Variants in CCNT2 observed in about 807,000 individuals in gnomAD.
CCNT2 encodes cyclin T2, also known as cyclin-T2.
CCNT2 carries 18 observed loss-of-function variants against 70.0 expected under a neutral mutation model. The ratio of observed to expected loss-of-function variants is 0.26; its 90% CI spans 0.18 to 0.38. The LOEUF (loss-of-function observed/expected upper bound fraction) is 0.38. Among genes scored for constraint, CCNT2 ranks in the 10% least tolerant of loss-of-function variants. CCNT2 has a pLI of 1.00. For synonymous variants in CCNT2, 334 were observed against 313.3 expected (o/e 1.07, Z -0.70); for missense variants, 734 against 890.2 (o/e 0.82, Z 2.23).
rs1182873885 is a variant in CCNT2, at chr2:134,931,389, T to C, written c.241-5452T>C. On this transcript the variant is annotated intron_variant, in intron 2 of 8. Coordinates refer to ENST00000264157, the MANE Select transcript of CCNT2 (RefSeq NM_058241.3). ...TTAGTGAAAATCAATGGATCATAAA[T>C]GTAAGCATTTATTTCTGGACTCTGG... 1.1e-4 allele frequency among the ~76,000 whole-genome samples: 16 copies of C among 150,868 alleles called. No individual in the cohort carries two copies. The Admixed American group carries it at 1.1e-3, about 10-fold the overall frequency.
At position 134,954,083 on chromosome 2, in the gene CCNT2, G is replaced by A. The variant is rs748520220; in HGVS notation, c.1628G>A (p.Gly543Glu). The change falls in exon 9 of 9, where the codon GGG (glycine) becomes GAG (glutamate). Residue 543 changes from glycine (G) to glutamate (E), a missense_variant. Coordinates refer to ENST00000264157, the MANE Select transcript of CCNT2 (RefSeq NM_058241.3). ...CACAGCTCTTCTGATGAAGGCAGTGGGAAGAGCAAACATTCAAGCCCACAT... is the reference window on the plus strand; with the variant it reads ...CACAGCTCTTCTGATGAAGGCAGTGAGAAGAGCAAACATTCAAGCCCACAT... ...ERHSSSDEGS[G>E]KSKHSSPHIS... The A allele has an allele frequency of 6.2e-7, 1 of 1,613,980 alleles. No individual in the cohort carries two copies. Among genetic ancestry groups the A allele is most frequent in the African/African-American group, 1.3e-5 (1 of 74,890 alleles).
intron 2 of CCNT2, among the ~76,000 whole-genome samples, chr2:134,927,663 G>A (rs1680394524): frequency 6.6e-6 from 1 of 152,124 alleles, no homozygotes; most frequent in Non-Finnish European, 1.5e-5. Context: ...CAGAACAGGA[G>A]TTTTGTTTTT....
intron 7 of CCNT2, among the ~76,000 whole-genome samples, chr2:134,951,049 CT>C (rs1038566317): frequency 7.1e-6 from 1 of 140,068 alleles, no homozygotes; most frequent in Non-Finnish European, 1.6e-5. Context: ...TTTTTTTTTT[CT>C]TTTTTTTTCA....
intron 7 of CCNT2, among the ~76,000 whole-genome samples, chr2:134,949,658 A>C (rs1682288160): frequency 6.6e-6 from 1 of 152,186 alleles, no homozygotes; most frequent in South Asian, 2.1e-4. Flanking sequence ...TATCCAGAGG[A>C]AAGGAAGTCT....
At chr2:134,920,038 GGTGTTTTT>G (rs1458651467) in intron 2 of CCNT2, 147 bp downstream of exon 2, 4 of 540,202 alleles carry the variant, frequency 7.4e-6, no homozygotes, top group Non-Finnish European at 1.3e-5. Flanking sequence ...CTTCAGATGC[GGTGTTTTT>G]GTGTTTTTAA....
intron 6 of CCNT2, 143 bp downstream of exon 6, chr2:134,946,289 C>A: frequency 1.6e-6 from 2 of 1,243,810 alleles, no homozygotes; most frequent in Admixed American, 2.3e-5. Flanking sequence ...GTTTGCTTTG[C>A]GGTGTATTGT....
chr2:134,932,640 G>A (rs1015599112), intron 2 of CCNT2, among the ~76,000 whole-genome samples: 6 of 152,122 alleles, frequency 3.9e-5, no homozygotes, highest in African/African-American at 1.4e-4. Flanking sequence ...GCCACACTGG[G>A]TTAATAACAT....
chr2:134,949,450 A>G (rs1055260122), intron 7 of CCNT2, among the ~76,000 whole-genome samples: 3 of 152,248 alleles, frequency 2.0e-5, no homozygotes, highest in Non-Finnish European at 4.4e-5. Flanking sequence ...TTTTGTTGAC[A>G]AAAATAGGTG....
rs764699003 is a variant in CCNT2, at chr2:134,919,849, C to T, written c.198C>T (p.His66=). The T allele has an allele frequency of 1.2e-6, 2 of 1,613,026 alleles. No individual in the cohort carries two copies. The highest frequency in any genetic ancestry group is 1.7e-6 in the Non-Finnish European group (2 of 1,179,482). Residue 66 remains histidine (H), a synonymous_variant, in exon 2 of 9, where the codon CAC becomes CAT. Coordinates refer to ENST00000264157, the MANE Select transcript of CCNT2 (RefSeq NM_058241.3). ...LTINTAIVYM[H]RFYMHHSFTK... ...TAAACACTGCGATTGTTTATATGCA[C>T]AGGTTTTATATGCACCATTCTTTCA...
chr2:134,952,211 C>T (rs907162173), intron 7 of CCNT2, among the ~76,000 whole-genome samples: 5 of 151,978 alleles, frequency 3.3e-5, no homozygotes, highest in African/African-American at 7.3e-5. Context: ...TATTTTTTTT[C>T]TCTTTGTAAT....
chr2:134,918,847 G>A lies in CCNT2; in HGVS notation c.-8G>A. The A allele has an allele frequency of 6.2e-7, 1 of 1,610,778 alleles. No individual in the cohort carries two copies. The highest frequency in any genetic ancestry group is 1.3e-5 in the African/African-American group (1 of 75,010). ...GTGAATGAAGGAGCGGGCGGAGGAG[G>A]AAGTGTCATGGCGTCGGGCCGTGGA... On this transcript the variant is annotated 5_prime_UTR_variant, in exon 1 of 9. Transcript: ENST00000264157.
intron 2 of CCNT2, among the ~76,000 whole-genome samples, chr2:134,922,236 T>G (rs1328707245): frequency 6.6e-6 from 1 of 152,228 alleles, no homozygotes; most frequent in Non-Finnish European, 1.5e-5. Flanking sequence ...AATTAAACCC[T>G]ATGAAATAAC....
At chr2:134,932,029 T>C (rs1680810343) in intron 2 of CCNT2, among the ~76,000 whole-genome samples, 1 of 152,288 alleles carries the variant, frequency 6.6e-6, no homozygotes, top group East Asian at 1.9e-4. Flanking sequence ...AGTCTCACTC[T>C]GTCACCCAGC....
intron 3 of CCNT2, among the ~76,000 whole-genome samples, chr2:134,938,549 A>G (rs1681335431): frequency 1.3e-5 from 2 of 152,188 alleles, no homozygotes; most frequent in Non-Finnish European, 2.9e-5. Flanking sequence ...TAATTCTAAA[A>G]TTTACTCAGT....
At chr2:134,942,798 T>C (rs905076553) in intron 5 of CCNT2, 124 bp downstream of exon 5, 21 of 1,402,484 alleles carry the variant, frequency 1.5e-5, no homozygotes, top group Non-Finnish European at 6.6e-6. Flanking sequence ...AGAAATGTCA[T>C]TTTTTAAGCA....
chr2:134,950,687 A>G (rs1301469695), intron 7 of CCNT2, among the ~76,000 whole-genome samples: 1 of 152,196 alleles, frequency 6.6e-6, no homozygotes, highest in South Asian at 2.1e-4. Flanking sequence ...GTGAAGTGAT[A>G]CTACTATTCT....
chr2:134,949,235 G>A (rs1682249804), intron 7 of CCNT2, among the ~76,000 whole-genome samples: 1 of 151,968 alleles, frequency 6.6e-6, no homozygotes, highest in Admixed American at 6.6e-5. Context: ...ACCTGTCTTA[G>A]CCTCCCAAAG....
At chr2:134,936,017 G>C (rs1681119436) in intron 2 of CCNT2, among the ~76,000 whole-genome samples, 2 of 151,726 alleles carry the variant, frequency 1.3e-5, no homozygotes, top group African/African-American at 4.8e-5. Flanking sequence ...AGATAGTGAA[G>C]GTATCTTCAC....
intron 2 of CCNT2, among the ~76,000 whole-genome samples, chr2:134,930,737 CA>C (rs1300307487): frequency 6.6e-6 from 1 of 151,796 alleles, no homozygotes; most frequent in Non-Finnish European, 1.5e-5. Flanking sequence ...CTATTCTATG[CA>C]TTGTCATTTT....
Sources: gnomAD v4.1 joint callset for allele counts (sites outside exome capture counted in the v4.1 genomes callset) on GRCh38, gnomAD v4.1.1 for gene constraint, MANE v1.5 for transcripts, NCBI Gene and HGNC (gene_info 2026-07-23, HGNC 2026-07-21) for gene names.